Variants in APLP2 observed in about 807,000 individuals in gnomAD.
APLP2 encodes the protein amyloid beta precursor like protein 2, also known as CDEI box-binding protein.
A neutral mutation model predicts 89.9 loss-of-function variants in APLP2; 53 were observed. That is an observed-to-expected ratio of 0.59 (90% CI 0.47 to 0.74). APLP2 has a LOEUF of 0.74. APLP2 is among the 30% of genes least tolerant of loss of function. The probability of loss-of-function intolerance (pLI) is 0.00; values close to 1 mark genes in which losing one functional copy is unlikely to be tolerated. For missense variants in APLP2, 973 were observed against 975.9 expected, an observed-to-expected ratio of 1.00 and a Z score of 0.04; for synonymous variants, 372 against 348.6, an observed-to-expected ratio of 1.07 and a Z score of -0.75.
Position 130,122,413 on chromosome 11 carries a change from C to T in APLP2, c.822C>T (p.Tyr274=). 6.2e-7 allele frequency: 1 copy of T among 1,614,174 alleles called. No homozygotes were observed. The highest frequency in any genetic ancestry group is 8.5e-7 in the Non-Finnish European group (1 of 1,180,032). Reference sequence around the variant, plus strand: ...AAGTGGTGGAGGACCGAGATTACTACTATGACACCTTCAAAGGAGATGACT... The same window carrying T: ...AAGTGGTGGAGGACCGAGATTACTATTATGACACCTTCAAAGGAGATGACT... The part of the protein sequence containing the change: ...GEEVVEDRDY[Y]YDTFKGDDYN... The change falls in exon 6 of 17, where the codon TAC becomes TAT. Residue 274 remains tyrosine, a synonymous_variant. Transcript: ENST00000338167.
chr11:130,075,899 A>C (rs970201961), intron 1 of APLP2, among the ~76,000 whole-genome samples: 1 of 151,236 alleles, frequency 6.6e-6, no homozygotes, highest in Non-Finnish European at 1.5e-5. Context: ...CTTAAAAGGA[A>C]CTAATTTCAT....
intron 1 of APLP2, among the ~76,000 whole-genome samples, chr11:130,074,080 G>A (rs1371252268): frequency 1.3e-5 from 2 of 152,118 alleles, no homozygotes; most frequent in Non-Finnish European, 2.9e-5. Context: ...CATAGGCTTA[G>A]TACAGCCATC....
At chr11:130,137,533 T>G (rs1333622227) in intron 13 of APLP2, among the ~76,000 whole-genome samples, 2 of 152,236 alleles carry the variant, frequency 1.3e-5, no homozygotes, top group African/African-American at 4.8e-5. Flanking sequence ...AAGCTTTCCC[T>G]CTGGGATGTC....
chr11:130,125,583 T>G (rs192520596), intron 7 of APLP2, among the ~76,000 whole-genome samples: 1 of 152,362 alleles, frequency 6.6e-6, no homozygotes, highest in African/African-American at 2.4e-5. Context: ...TAAAAGATGC[T>G]TCCGACAGAA....
rs1212122151 is a variant in APLP2 at position 130,120,723 on chromosome 11, G to C, written c.421G>C (p.Asp141His). The C allele has an allele frequency of 6.2e-7, 1 of 1,613,826 alleles. No individual in the cohort carries two copies. Among genetic ancestry groups the C allele is most frequent in the Non-Finnish European group, 8.5e-7 (1 of 1,179,712 alleles). Residue 141 changes from aspartate (D) to histidine (H), a missense_variant, in exon 4 of 17, where the codon GAT becomes CAT. Transcript: ENST00000338167. ...TTTTCCAGTGGGTGAATTTGTAAGT[G>C]ATGTCCTGCTAGTTCCAGAAAAGTG... is the stretch of plus-strand genomic sequence containing the variant. Reference protein sequence around the residue: ...FKCLVGEFVSDVLLVPEKCQF... With the variant: ...FKCLVGEFVSHVLLVPEKCQF...
At chr11:130,101,662 T>G (rs891165296) in intron 1 of APLP2, 2 of 176,704 alleles carry the variant, frequency 1.1e-5, no homozygotes, top group African/African-American at 4.8e-5. Context: ...ACACTGTATT[T>G]TGAACAAATT....
At chr11:130,092,740 C>G (rs370706675) in intron 1 of APLP2, among the ~76,000 whole-genome samples, 1 of 150,884 alleles carries the variant, frequency 6.6e-6, no homozygotes, top group Non-Finnish European at 1.5e-5. Flanking sequence ...GGAGCTCTGT[C>G]TTGATGATAG....
chr11:130,123,015 C>T lies in APLP2; in HGVS notation c.922+502C>T, dbSNP rs866973422. On this transcript the variant is annotated intron_variant, in intron 6 of 16. Coordinates refer to ENST00000338167, the MANE Select transcript of APLP2 (RefSeq NM_001142276.2). This position sits in a 1 kb window ranked among gnomAD's most constrained non-coding sequence, Gnocchi z 4.0. ...CAGTTTTTTTTTTTTCTCATCTTGCCAATTAAAACACGAAAAGGTTGCAGT... is the reference window on the plus strand; with the variant it reads ...CAGTTTTTTTTTTTTCTCATCTTGCTAATTAAAACACGAAAAGGTTGCAGT... 2.6e-5 allele frequency among the ~76,000 whole-genome samples: 4 copies of T among 151,700 alleles called. No homozygotes were observed. The highest frequency in any genetic ancestry group is 4.2e-4 in the South Asian group (2 of 4,806).
intron 2 of APLP2, 50 bp from the exon 3 acceptor site, chr11:130,110,488 G>A (rs1565577917): frequency 1.2e-6 from 2 of 1,602,880 alleles, no homozygotes; most frequent in Non-Finnish European, 1.7e-6. Flanking sequence ...TTGCAAGTGT[G>A]TGTCTGTCTG....
intron 2 of APLP2, chr11:130,109,845 C>T (rs928586521): frequency 1.2e-5 from 5 of 403,182 alleles, no homozygotes; most frequent in African/African-American, 1.0e-4. Flanking sequence ...TGGCAAGTGC[C>T]ATGGGAGTGC....
chr11:130,077,108 T>C (rs1384903134), intron 1 of APLP2, among the ~76,000 whole-genome samples: 1 of 152,224 alleles, frequency 6.6e-6, no homozygotes, highest in Non-Finnish European at 1.5e-5. Flanking sequence ...TCTGGGAAGT[T>C]ATGTAGCTGG....
Position 130,143,603 on chromosome 11 carries a change from C to G in APLP2, c.*155C>G. 1 of 602,178 alleles carries G rather than the reference C, an allele frequency of 1.7e-6. No individual in the cohort carries two copies. The highest frequency in any genetic ancestry group is 3.0e-6 in the Non-Finnish European group (1 of 337,908). 37.3% of individuals were successfully genotyped at this position (602,178 alleles called of 1,614,324 possible). On this transcript the variant is annotated 3_prime_UTR_variant, in exon 17 of 17. Coordinates refer to ENST00000338167, the MANE Select transcript of APLP2 (RefSeq NM_001142276.2). ...GACTATATAAAGTACTACTGTAGAA[C>G]TGCAATTTCCATTCTTTTAAATGGG...
At chr11:130,139,493 A>G (rs1436778651) in intron 13 of APLP2, 1 of 152,242 alleles carries the variant, frequency 6.6e-6, no homozygotes, top group African/African-American at 2.4e-5. Flanking sequence ...TGAATAAGGA[A>G]TTCTTATGAT....
In APLP2 at chr11:130,129,216, G is replaced by GC; in HGVS notation, c.1455+14dup. ...GTCTGACCCGCCACGGGTGAGTCCTGCCCCTAGCACTGCCTGCCCTGAGGT... is the reference window on the plus strand; with the variant it reads ...GTCTGACCCGCCACGGGTGAGTCCTGCCCCCTAGCACTGCCTGCCCTGAGGT... On this transcript the variant is annotated intron_variant, in intron 10 of 16. Coordinates refer to ENST00000338167, the MANE Select transcript of APLP2 (RefSeq NM_001142276.2). The GC allele has an allele frequency of 6.2e-7, 1 of 1,610,820 alleles. No individual in the cohort carries two copies.
chr11:130,138,209 T>C (rs879780), intron 13 of APLP2, among the ~76,000 whole-genome samples: 42,288 of 152,194 alleles, frequency 0.28, 10,959 homozygotes, highest in African/African-American at 0.69. Context: ...GACTTCCTGT[T>C]GATGGGCCAA....
intron 3 of APLP2, 129 bp downstream of exon 3, chr11:130,110,790 G>A (rs59834300): frequency 0.083 from 103,358 of 1,245,104 alleles, 9,839 homozygotes; most frequent in East Asian, 0.4. Context: ...TATTGGGGAG[G>A]ATTTCTCTTA....
At chr11:130,108,873 A>G (rs1948157820) in intron 1 of APLP2, 1 of 152,306 alleles carries the variant, frequency 6.6e-6, no homozygotes, top group South Asian at 2.1e-4. Flanking sequence ...TGCAGCCATA[A>G]AAAGGTTGAG....
chr11:130,121,726 G>C lies in APLP2; in HGVS notation c.629G>C (p.Gly210Ala), dbSNP rs745511944. The change falls in exon 5 of 17, where the codon GGA (glycine) becomes GCA (alanine). Residue 210 changes from glycine to alanine, a missense_variant. By Grantham distance (60) the Gly-to-Ala change is moderately conservative. Coordinates refer to ENST00000338167, the MANE Select transcript of APLP2 (RefSeq NM_001142276.2). ...YVCCPQTKII[G>A]SVSKEEEEED... ...TGCTGCCCTCAGACAAAGATTATTG[G>C]ATCTGTGTCAAAAGAAGAGGAAGAG... 100 of 1,613,912 alleles carry C rather than the reference G, an allele frequency of 6.2e-5. No individual in the cohort carries two copies. Among genetic ancestry groups the C allele is most frequent in the Non-Finnish European group, 7.9e-5 (93 of 1,180,016 alleles).
chr11:130,136,813 C>T (rs889360645), intron 13 of APLP2, among the ~76,000 whole-genome samples: 2 of 152,182 alleles, frequency 1.3e-5, no homozygotes, highest in Non-Finnish European at 2.9e-5. Context: ...CCCCAAATCT[C>T]TGTGGGTTTG....
Sources: allele counts gnomAD v4.1 joint callset (sites outside exome capture counted in the v4.1 genomes callset), GRCh38; gene constraint gnomAD v4.1.1; non-coding constraint Gnocchi (gnomAD v3.1); transcripts MANE v1.5; gene names NCBI Gene and HGNC (gene_info 2026-07-23, HGNC 2026-07-21).